Variants in KHDC1 observed in about 807,000 individuals in gnomAD.
KHDC1 encodes KH homology domain-containing protein 1.
In KHDC1, 21 loss-of-function variants were observed where a neutral mutation model predicts 24.7. The observed-to-expected ratio is 0.85, with a 90% CI of 0.60 to 1.23. The LOEUF (loss-of-function observed/expected upper bound fraction) is 1.23. Among genes scored for constraint, KHDC1 ranks in the 50% most tolerant of loss-of-function variants. KHDC1 has a pLI of 0.00. For missense variants in KHDC1, 274 were observed against 298.5 expected (o/e 0.92, Z 0.61); for synonymous variants, 98 against 111.7 (o/e 0.88, Z 0.77).
intron 2 of KHDC1, among the ~76,000 whole-genome samples, chr6:73,265,520 C>T (rs920268567): frequency 3.5e-5 from 4 of 114,130 alleles, no homozygotes; most frequent in Non-Finnish European, 6.8e-5. Flanking sequence ...CTGAGCGAGA[C>T]TCCGTCTCAA....
chr6:73,249,363 C>A (rs1562245635), intron 2 of KHDC1, among the ~76,000 whole-genome samples: 1 of 152,052 alleles, frequency 6.6e-6, no homozygotes, highest in African/African-American at 2.4e-5. Flanking sequence ...GGGGTGGCTG[C>A]CAGCTAGGGC....
At chr6:73,267,463 A>G (rs1767095239) in intron 2 of KHDC1, among the ~76,000 whole-genome samples, 2 of 152,212 alleles carry the variant, frequency 1.3e-5, no homozygotes, top group Admixed American at 6.5e-5. Context: ...AGACTGGGTG[A>G]CAGAGGAAGA....
At position 73,293,069 on chromosome 6, in the gene KHDC1, A is replaced by C. The variant is rs145510167; in HGVS notation, c.164-1029T>G. On this transcript the variant is annotated intron_variant, in intron 1 of 4. Coordinates refer to ENST00000370384, the Ensembl canonical transcript of KHDC1. ...AAGGTGGATTGTAAATGTGATTAGA[A>C]ATGCAAGACTGGATGCCAAGATTGA... The C allele has an allele frequency of 1.1e-3, 1,143 of 1,000,682 alleles. 5 individuals are homozygous for C. Among genetic ancestry groups the C allele is most frequent in the Middle Eastern group, 2.9e-3 (9 of 3,132 alleles). 62.0% of individuals were successfully genotyped at this position (1,000,682 alleles called of 1,614,324 possible).
At chr6:73,262,702 A>G in intron 2 of KHDC1, 72 bp downstream of exon 1, 1 of 981,090 alleles carries the variant, frequency 1.0e-6, no homozygotes. Flanking sequence ...TTTGCAGCTC[A>G]CTTTCCTTAT....
chr6:73,277,219 G>T (rs1172025338), intron 2 of KHDC1, among the ~76,000 whole-genome samples: 2 of 152,106 alleles, frequency 1.3e-5, no homozygotes, highest in Non-Finnish European at 2.9e-5. Context: ...TGTAATTCAA[G>T]ACTGGGAAGT....
chr6:73,241,828 C>T, intron 4 of KHDC1, 100 bp from the exon 4 acceptor site: 1 of 1,300,786 alleles, frequency 7.7e-7, no homozygotes. Context: ...GGATGTCACC[C>T]CAGCCCAGAC....
intron 2 of KHDC1, among the ~76,000 whole-genome samples, chr6:73,258,032 G>A (rs1009225819): frequency 5.9e-5 from 9 of 152,290 alleles, no homozygotes; most frequent in Admixed American, 2.0e-4. Flanking sequence ...AAGGTGGGCG[G>A]ATCACTTGAG....
chr6:73,307,255 C>T (rs1472625034), intron 1 of KHDC1, among the ~76,000 whole-genome samples: 1 of 151,790 alleles, frequency 6.6e-6, no homozygotes, highest in Admixed American at 6.6e-5. Context: ...TGGTGAAACC[C>T]CGTCTCTATT....
At chr6:73,251,799 CTT>C (rs754294241) in intron 2 of KHDC1, among the ~76,000 whole-genome samples, 11 of 124,052 alleles carry the variant, frequency 8.9e-5, no homozygotes, top group Non-Finnish European at 1.4e-4. Context: ...CTTTTCTTTT[CTT>C]TTTTTTTTTT....
intron 1 of KHDC1, among the ~76,000 whole-genome samples, chr6:73,297,187 C>T (rs1767773593): frequency 6.6e-6 from 1 of 152,076 alleles, no homozygotes; most frequent in African/African-American, 2.4e-5. Context: ...AGTCATGAGC[C>T]ATCATTACCA....
intron 2 of KHDC1, among the ~76,000 whole-genome samples, chr6:73,245,027 A>G (rs2150551006): frequency 6.6e-6 from 1 of 152,348 alleles, no homozygotes; most frequent in South Asian, 2.1e-4. Flanking sequence ...TCTGTACTAC[A>G]GAAGATTAAG....
intron 2 of KHDC1, among the ~76,000 whole-genome samples, chr6:73,271,985 C>T (rs1767187503): frequency 6.7e-6 from 1 of 149,918 alleles, no homozygotes; most frequent in African/African-American, 2.5e-5. Flanking sequence ...AAAATCAACT[C>T]TTTATAGTGT....
intron 2 of KHDC1, among the ~76,000 whole-genome samples, chr6:73,283,225 A>T (rs949991189): frequency 2.0e-5 from 3 of 152,214 alleles, no homozygotes; most frequent in Non-Finnish European, 4.4e-5. Flanking sequence ...ATAAGGACAG[A>T]GTACCTACAT....
exon 4 of KHDC1, chr6:73,242,145 C>A (rs780872192): frequency 1.2e-6 from 2 of 1,614,178 alleles, no homozygotes; most frequent in South Asian, 2.2e-5. Context: ...ACTACAGTCA[C>A]ACGAGTCTGG....
Position 73,259,590 on chromosome 6 carries a change from G to C in KHDC1, c.207-17060C>G, listed in dbSNP as rs74408066. Among the ~76,000 whole-genome samples the C allele has an allele frequency of 5.6e-3, 856 of 152,304 alleles. 12 individuals are homozygous for C. The highest frequency in any genetic ancestry group is 0.02 in the African/African-American group (825 of 41,560). ...ATTCACATTGAGAAAGCCAAGGATAGATCGAAGGGAATGCAGAAGCAGTCA... is the reference window on the plus strand; with the variant it reads ...ATTCACATTGAGAAAGCCAAGGATACATCGAAGGGAATGCAGAAGCAGTCA... On this transcript the variant is annotated intron_variant, in intron 2 of 4. Transcript: ENST00000370384.
intron 2 of KHDC1, among the ~76,000 whole-genome samples, chr6:73,288,215 A>G (rs538644841): frequency 6.6e-6 from 1 of 152,376 alleles, no homozygotes; most frequent in South Asian, 2.1e-4. Context: ...TTGCTGTGCC[A>G]GGTGTGGTGT....
intron 2 of KHDC1, among the ~76,000 whole-genome samples, chr6:73,243,212 G>T (rs1766608239): frequency 6.6e-6 from 1 of 152,178 alleles, no homozygotes; most frequent in Admixed American, 6.5e-5. Flanking sequence ...GTTACAGATG[G>T]ACTTTTTACA....
chr6:73,244,878 A>G (rs1407096715), intron 2 of KHDC1, among the ~76,000 whole-genome samples: 1 of 152,164 alleles, frequency 6.6e-6, no homozygotes, highest in Non-Finnish European at 1.5e-5. Context: ...GCCTGCAGTG[A>G]GCTAGTATCA....
chr6:73,250,794 G>C (rs1182218933), intron 2 of KHDC1, among the ~76,000 whole-genome samples: 1 of 152,168 alleles, frequency 6.6e-6, no homozygotes, highest in Non-Finnish European at 1.5e-5. Context: ...AGTTTATCTT[G>C]ATTATTTTCA....
Sources: allele counts gnomAD v4.1 joint callset (sites outside exome capture counted in the v4.1 genomes callset), GRCh38; gene constraint gnomAD v4.1.1; transcripts MANE v1.5; gene names NCBI Gene and HGNC (gene_info 2026-07-23, HGNC 2026-07-21).